The following ZDHHC14 variants were observed in gnomAD, a reference collection of about 807,000 sequenced individuals.
ZDHHC14 encodes palmitoyltransferase ZDHHC14.
Under a neutral mutation model 47.7 loss-of-function variants are expected in ZDHHC14, and 16 were observed. The ratio of observed to expected loss-of-function variants is 0.34; its 90% CI spans 0.23 to 0.51. The LOEUF (loss-of-function observed/expected upper bound fraction) is 0.51, where lower values mean the gene tolerates loss of function less well. Among genes scored for constraint, ZDHHC14 ranks in the 20% least tolerant of loss-of-function variants. The pLI is 0.97. For missense variants in ZDHHC14, 515 were observed against 662.5 expected (o/e 0.78, Z 2.44); for synonymous variants, 293 against 278.9 (o/e 1.05, Z -0.50).
At chr6:157,485,848 TA>T (rs1239526591) in intron 1 of ZDHHC14, among the ~76,000 whole-genome samples, 21 of 152,066 alleles carry the variant, frequency 1.4e-4, no homozygotes, top group Non-Finnish European at 8.8e-5. Context: ...CCGTCTCCAC[TA>T]AAAATACAAA....
Position 157,450,281 on chromosome 6 carries a change from T to C in ZDHHC14, c.245+68015T>C, listed in dbSNP as rs183953187. Reference sequence around the variant, plus strand: ...CGGTAACACCTTGGGTAAATAGTTATAAACATTAACAAACAAATGTGTTTA... The same window carrying C: ...CGGTAACACCTTGGGTAAATAGTTACAAACATTAACAAACAAATGTGTTTA... On this transcript the variant is annotated intron_variant, in intron 1 of 8. Transcript: ENST00000359775. Among the ~76,000 whole-genome samples the C allele has an allele frequency of 2.1e-3, 316 of 152,168 alleles. 1 individual carries two copies. The highest frequency in any genetic ancestry group is 0.01 in the Middle Eastern group (3 of 294).
intron 1 of ZDHHC14, among the ~76,000 whole-genome samples, chr6:157,397,537 C>T (rs553745580): frequency 1.1e-4 from 16 of 152,162 alleles, no homozygotes; most frequent in Admixed American, 9.8e-4. Flanking sequence ...TCCCTCTGCC[C>T]GCAGCCAGGA....
intron 1 of ZDHHC14, among the ~76,000 whole-genome samples, chr6:157,408,903 A>G (rs1404979531): frequency 2.0e-5 from 3 of 152,182 alleles, no homozygotes; most frequent in African/African-American, 7.2e-5. Context: ...CCCTGCTTAT[A>G]ATTTCCTTAT....
At chr6:157,639,281 T>C (rs1428245109) in intron 5 of ZDHHC14, among the ~76,000 whole-genome samples, 1 of 152,194 alleles carries the variant, frequency 6.6e-6, no homozygotes, top group African/African-American at 2.4e-5. Context: ...TGGGTTTTGA[T>C]GCTTGTTTTA....
At chr6:157,537,839 TG>T (rs1781596931) in intron 1 of ZDHHC14, among the ~76,000 whole-genome samples, 1 of 152,214 alleles carries the variant, frequency 6.6e-6, no homozygotes, top group Non-Finnish European at 1.5e-5. Context: ...TGCCATACTG[TG>T]CACAGTGCTT....
At chr6:157,668,693 C>G (rs1168096990) in intron 8 of ZDHHC14, among the ~76,000 whole-genome samples, 1 of 151,976 alleles carries the variant, frequency 6.6e-6, no homozygotes, top group Non-Finnish European at 1.5e-5. Flanking sequence ...GAGTGAGACT[C>G]CATCTCAAAA....
At chr6:157,500,207 C>G (rs1262245200) in intron 1 of ZDHHC14, among the ~76,000 whole-genome samples, 1 of 152,080 alleles carries the variant, frequency 6.6e-6, no homozygotes, top group East Asian at 1.9e-4. Context: ...GGAGAGGGAA[C>G]AGCTAGTGCA....
chr6:157,529,060 G>A (rs1364389883), intron 1 of ZDHHC14: 2 of 154,588 alleles, frequency 1.3e-5, no homozygotes, highest in Non-Finnish European at 2.9e-5. Context: ...GTAGTTGCTA[G>A]TGTCTAGGAG....
At chr6:157,478,083 T>C (rs572376725) in intron 1 of ZDHHC14, among the ~76,000 whole-genome samples, 1 of 152,336 alleles carries the variant, frequency 6.6e-6, no homozygotes, top group African/African-American at 2.4e-5. Flanking sequence ...AGCTACTAGG[T>C]AATTAGGTTC....
intron 8 of ZDHHC14, among the ~76,000 whole-genome samples, chr6:157,663,243 T>C (rs1332743640): frequency 1.3e-5 from 2 of 152,198 alleles, no homozygotes; most frequent in Admixed American, 1.3e-4. Context: ...CAGGAGAGGA[T>C]GAGATGTGTT....
At chr6:157,553,301 A>C (rs1001725758) in intron 2 of ZDHHC14, among the ~76,000 whole-genome samples, 1 of 152,142 alleles carries the variant, frequency 6.6e-6, no homozygotes. Context: ...ACTCAGCAGG[A>C]CTTTTGCTAA....
chr6:157,676,231 G>A lies in ZDHHC14; in HGVS notation c.*3109G>A, dbSNP rs1018078264. 2 of 152,170 alleles carry A rather than the reference G, an allele frequency of 1.3e-5. No individual in the cohort carries two copies. The highest frequency in any genetic ancestry group is 2.1e-4 in the South Asian group (1 of 4,834). The allele number at this position is 152,170 out of a possible 1,614,324, so 9.4% of individuals were successfully genotyped here. A position where few individuals can be genotyped will look rare whatever the true frequency, so the allele number is the denominator to read the frequency against. ...GGAGGGCACAGTGACCTGTCACTCCGTTCTGCAGAAATTGGCCCAGCAGTT... is the reference window on the plus strand; with the variant it reads ...GGAGGGCACAGTGACCTGTCACTCCATTCTGCAGAAATTGGCCCAGCAGTT... On this transcript the variant is annotated 3_prime_UTR_variant, in exon 9 of 9. Coordinates refer to ENST00000359775, the MANE Select transcript of ZDHHC14 (RefSeq NM_024630.3).
intron 8 of ZDHHC14, among the ~76,000 whole-genome samples, chr6:157,668,440 T>C (rs1778646423): frequency 6.6e-6 from 1 of 151,546 alleles, no homozygotes; most frequent in Non-Finnish European, 1.5e-5. Context: ...TCCCAGCACT[T>C]TGGGAGGCCG....
At chr6:157,653,081 C>A (rs563493078) in intron 7 of ZDHHC14, among the ~76,000 whole-genome samples, 1 of 152,208 alleles carries the variant, frequency 6.6e-6, no homozygotes, top group Non-Finnish European at 1.5e-5. Context: ...GGCTGTGGCT[C>A]TGTTCCCACG....
Position 157,381,991 on chromosome 6 carries a change from G to T in ZDHHC14, c.-31G>T. ...CCCGCGCGGCCGGGGGGCTCCTGGGGGTGTGCGCCCCCAGCCGGCTGCCCT... is the reference window on the plus strand; with the variant it reads ...CCCGCGCGGCCGGGGGGCTCCTGGGTGTGTGCGCCCCCAGCCGGCTGCCCT... On this transcript the variant is annotated 5_prime_UTR_variant, in exon 1 of 9. Transcript: ENST00000359775. The T allele has an allele frequency of 7.6e-7, 1 of 1,311,350 alleles. No individual in the cohort carries two copies. Among genetic ancestry groups the T allele is most frequent in the Non-Finnish European group, 9.8e-7 (1 of 1,025,428 alleles). 81.2% of individuals were successfully genotyped at this position (1,311,350 alleles called of 1,614,324 possible). A position where few individuals can be genotyped will look rare whatever the true frequency, so the allele number is the denominator to read the frequency against.
chr6:157,436,284 G>T (rs1238421444), intron 1 of ZDHHC14, among the ~76,000 whole-genome samples: 1 of 152,222 alleles, frequency 6.6e-6, no homozygotes, highest in East Asian at 1.9e-4. Context: ...ATACGAGGTT[G>T]TTTGGAAGAT....
At chr6:157,425,990 T>C (rs990754565) in intron 1 of ZDHHC14, among the ~76,000 whole-genome samples, 20 of 152,196 alleles carry the variant, frequency 1.3e-4, no homozygotes, top group Admixed American at 8.5e-4. Context: ...AGAAGTCTCC[T>C]GATCCCCCAA....
At chr6:157,571,144 G>A (rs1017552342) in intron 2 of ZDHHC14, among the ~76,000 whole-genome samples, 20 of 152,218 alleles carry the variant, frequency 1.3e-4, no homozygotes, top group African/African-American at 4.8e-4. Flanking sequence ...GAACATTGAT[G>A]TTTGCCACTC....
intron 1 of ZDHHC14, among the ~76,000 whole-genome samples, chr6:157,407,042 T>C (rs1777779248): frequency 6.6e-6 from 1 of 152,218 alleles, no homozygotes; most frequent in Non-Finnish European, 1.5e-5. Context: ...TAAAAGAATT[T>C]CTATAAATGT....
Sources: gnomAD v4.1 joint callset for allele counts (sites outside exome capture counted in the v4.1 genomes callset) on GRCh38, gnomAD v4.1.1 for gene constraint, MANE v1.5 for transcripts, NCBI Gene and HGNC (gene_info 2026-07-23, HGNC 2026-07-21) for gene names.